Variants in TECRL observed in about 807,000 individuals in gnomAD.
TECRL encodes the protein trans-2,3-enoyl-CoA reductase-like.
A neutral mutation model predicts 52.8 loss-of-function variants in TECRL; 63 were observed. That is an observed-to-expected ratio of 1.19 (90% CI 0.97 to 1.47). TECRL has a LOEUF of 1.47. Among genes scored for constraint, TECRL ranks in the 40% most tolerant of loss-of-function variants. The pLI, the probability that TECRL is intolerant of heterozygous loss-of-function variation, is 0.00. For missense variants in TECRL, 482 were observed against 429.6 expected, an observed-to-expected ratio of 1.12 and a Z score of -1.08; for synonymous variants, 164 against 141.9, an observed-to-expected ratio of 1.16 and a Z score of -1.10.
chr4:64,385,327 C>A (rs1257743593), intron 1 of TECRL, among the ~76,000 whole-genome samples: 2 of 152,156 alleles, frequency 1.3e-5, no homozygotes, highest in East Asian at 3.9e-4. Flanking sequence ...TGGCCAGTCC[C>A]CAGACACCCT....
intron 2 of TECRL, among the ~76,000 whole-genome samples, chr4:64,370,487 T>G (rs73230488): frequency 0.016 from 2,284 of 146,234 alleles, 71 homozygotes; most frequent in African/African-American, 0.054. Context: ...AGCAGAAAGT[T>G]TTTTTCATAT....
At chr4:64,304,282 A>G (rs539952443) in intron 7 of TECRL, among the ~76,000 whole-genome samples, 2 of 152,028 alleles carry the variant, frequency 1.3e-5, no homozygotes, top group East Asian at 3.9e-4. Flanking sequence ...TTCATAGTTA[A>G]TTGTTAGTAT....
intron 2 of TECRL, among the ~76,000 whole-genome samples, chr4:64,334,820 A>C (rs1285231200): frequency 6.6e-6 from 1 of 152,216 alleles, no homozygotes; most frequent in Non-Finnish European, 1.5e-5. Context: ...GTGGGGCAGG[A>C]AGACAGATTG....
At chr4:64,300,661 T>C (rs1022174781) in intron 7 of TECRL, among the ~76,000 whole-genome samples, 2 of 151,048 alleles carry the variant, frequency 1.3e-5, no homozygotes, top group Non-Finnish European at 3.0e-5. Flanking sequence ...ATCATATTTA[T>C]TAACAGTTGC....
rs1413727732 is a variant in TECRL at position 64,402,283 on chromosome 4, ATTTTG to A, written c.234+6830_234+6834del. The stretch of plus-strand genomic sequence containing the variant: ...GTAAAGTAATTTTTTTTAAACTTCT[ATTTTG>A]TCATGGACTGATACATTTGTAAAAT... On this transcript the variant is annotated intron_variant, in intron 1 of 11. Transcript: ENST00000381210. 2.0e-5 allele frequency among the ~76,000 whole-genome samples: 3 copies of A among 152,160 alleles called. No homozygotes were observed. In the East Asian group the frequency reaches 5.8e-4, roughly 29 times the overall value.
chr4:64,383,989 T>C (rs1157886443), intron 1 of TECRL, among the ~76,000 whole-genome samples: 1 of 152,130 alleles, frequency 6.6e-6, no homozygotes, highest in African/African-American at 2.4e-5. Context: ...TGATTTATGC[T>C]GTAATCAGCA....
chr4:64,301,800 A>T (rs1387559530), intron 7 of TECRL, among the ~76,000 whole-genome samples: 1 of 151,206 alleles, frequency 6.6e-6, no homozygotes, highest in Non-Finnish European at 1.5e-5. Flanking sequence ...TCTTATTTTT[A>T]AATGAAAATG....
intron 7 of TECRL, 28 bp from the exon 8 acceptor site, chr4:64,300,045 G>A (rs758361489): frequency 1.3e-6 from 2 of 1,533,012 alleles, no homozygotes; most frequent in African/African-American, 1.4e-5. Context: ...AATATGTCAT[G>A]CAGATACTCA....
At chr4:64,389,241 G>T (rs920245275) in intron 1 of TECRL, among the ~76,000 whole-genome samples, 2 of 151,848 alleles carry the variant, frequency 1.3e-5, no homozygotes. Flanking sequence ...AAAATGACGT[G>T]ACCTGTAGGT....
At chr4:64,394,719 A>G (rs1723798983) in intron 1 of TECRL, among the ~76,000 whole-genome samples, 1 of 152,148 alleles carries the variant, frequency 6.6e-6, no homozygotes, top group Non-Finnish European at 1.5e-5. Context: ...AAATGGAAAT[A>G]GGAAGAGAAA....
In TECRL at chr4:64,328,538, G is replaced by A; in HGVS notation, c.305C>T (p.Ser102Phe). ...FHKACPKWYP[S>F]RVGLQLECGG... The stretch of plus-strand genomic sequence containing the variant: ...ACATTCTAGCTGCAGACCAACTCGA[G>A]AAGGGTACCACTTTGGACCTATTCA... The change falls in exon 3 of 12, where the codon TCT becomes TTT. Residue 102 changes from serine (S) to phenylalanine (F), a missense_variant. Ser to Phe is a radical substitution (Grantham distance 155). Transcript: ENST00000381210. The A allele has an allele frequency of 1.2e-6, 2 of 1,611,708 alleles. No homozygotes were observed. Among genetic ancestry groups the A allele is most frequent in the Non-Finnish European group, 1.7e-6 (2 of 1,178,406 alleles).
intron 9 of TECRL, among the ~76,000 whole-genome samples, chr4:64,288,780 A>G (rs2109943540): frequency 6.6e-6 from 1 of 152,292 alleles, no homozygotes; most frequent in East Asian, 1.9e-4. Context: ...ATGTTCAGCA[A>G]ACCAATGAGA....
chr4:64,392,295 A>C (rs2109750227), intron 1 of TECRL, among the ~76,000 whole-genome samples: 1 of 152,052 alleles, frequency 6.6e-6, no homozygotes, highest in South Asian at 2.1e-4. Context: ...TTCCCGTATG[A>C]GAACCAGTTA....
intron 9 of TECRL, among the ~76,000 whole-genome samples, chr4:64,288,778 C>G (rs754203472): frequency 6.6e-6 from 1 of 152,140 alleles, no homozygotes; most frequent in Non-Finnish European, 1.5e-5. Context: ...ATATGTTCAG[C>G]AAACCAATGA....
chr4:64,380,545 T>G (rs146180323), intron 1 of TECRL, among the ~76,000 whole-genome samples: 42 of 152,206 alleles, frequency 2.8e-4, no homozygotes, highest in African/African-American at 9.6e-4. Context: ...TCTTAGCATA[T>G]AAGTTTCCAA....
chr4:64,383,956 G>A (rs999640442), intron 1 of TECRL, among the ~76,000 whole-genome samples: 2 of 151,788 alleles, frequency 1.3e-5, no homozygotes, highest in South Asian at 2.1e-4. Flanking sequence ...ATTCTTGGTG[G>A]GTGCAGTATT....
At chr4:64,379,849 T>C (rs992891931) in intron 1 of TECRL, among the ~76,000 whole-genome samples, 11 of 152,102 alleles carry the variant, frequency 7.2e-5, no homozygotes, top group African/African-American at 2.4e-4. Context: ...TTGTGAATAG[T>C]GTTGCAATAA....
downstream of TECRL, chr4:64,277,010 T>G (rs1389056277): frequency 6.7e-7 from 1 of 1,492,520 alleles, no homozygotes; most frequent in Admixed American, 2.0e-5. Flanking sequence ...TGGTGTAAAT[T>G]TGTCAGGCTT....
At chr4:64,406,515 C>T (rs1724737475) in intron 1 of TECRL, among the ~76,000 whole-genome samples, 1 of 151,382 alleles carries the variant, frequency 6.6e-6, no homozygotes, top group African/African-American at 2.4e-5. Flanking sequence ...TTTCTCTCTC[C>T]AAATGATTAT....
Sources: allele counts gnomAD v4.1 joint callset (sites outside exome capture counted in the v4.1 genomes callset), GRCh38; gene constraint gnomAD v4.1.1; transcripts MANE v1.5; gene names NCBI Gene and HGNC (gene_info 2026-07-23, HGNC 2026-07-21).